The following UBAC1 variants were observed in gnomAD, a reference collection of about 807,000 sequenced individuals.
UBAC1 encodes ubiquitin-associated domain-containing protein 1.
A neutral mutation model predicts 45.9 loss-of-function variants in UBAC1; 27 were observed. The observed-to-expected ratio is 0.59, with a 90% CI of 0.43 to 0.81. UBAC1 has a LOEUF of 0.81. UBAC1 is among the 30% of genes least tolerant of loss of function. UBAC1 has a pLI of 0.00. For missense variants in UBAC1, 529 were observed against 539.2 expected (o/e 0.98, Z 0.19); for synonymous variants, 227 against 215.5 (o/e 1.05, Z -0.47).
At chr9:135,950,169 C>G (rs1218290602) in intron 3 of UBAC1, among the ~76,000 whole-genome samples, 1 of 152,246 alleles carries the variant, frequency 6.6e-6, no homozygotes, top group Non-Finnish European at 1.5e-5. Flanking sequence ...AGACCCTGAG[C>G]ACAGAAACCA....
chr9:135,945,187 C>G lies in UBAC1; in HGVS notation c.717G>C (p.Thr239=), dbSNP rs747291545. Reference sequence around the variant, plus strand: ...CTGGGGGAGCTTGGCCAGGAAGAGGCGTGTCTATGGTCGGGTCTTCTGCGT... The same window carrying G: ...CTGGGGGAGCTTGGCCAGGAAGAGGGGTGTCTATGGTCGGGTCTTCTGCGT... ...IEHAEDPTID[T]PLPGQAPPEA... The change falls in exon 7 of 10, where the codon ACG becomes ACC. Residue 239 remains threonine (T), a synonymous_variant. Coordinates refer to ENST00000371756, the MANE Select transcript of UBAC1 (RefSeq NM_016172.3). The G allele has an allele frequency of 6.2e-7, 1 of 1,612,776 alleles. No individual in the cohort carries two copies. Among genetic ancestry groups the G allele is most frequent in the Admixed American group, 1.7e-5 (1 of 59,852 alleles).
intron 6 of UBAC1, chr9:135,945,456 A>G: frequency 1.9e-6 from 1 of 538,068 alleles, no homozygotes; most frequent in Non-Finnish European, 3.2e-6. Context: ...GGGCAGAATC[A>G]GAAGCCCATG....
intron 9 of UBAC1, among the ~76,000 whole-genome samples, chr9:135,936,518 TGGAGTC>T: frequency 6.8e-6 from 1 of 146,208 alleles, no homozygotes. Context: ...TTTTTTGAGG[TGGAGTC>T]TTGCTCTGAC....
At position 135,947,848 on chromosome 9, in the gene UBAC1, G is replaced by A. The variant is rs749889958; in HGVS notation, c.391C>T (p.Leu131=). Residue 131 remains leucine (L), a synonymous_variant, in exon 4 of 10, where the codon CTG becomes TTG. Coordinates refer to ENST00000371756, the MANE Select transcript of UBAC1 (RefSeq NM_016172.3). ...GCCCGGTCCATGTTGTAGGAGGGCA[G>A]GTTGGCGGTGGCCCGCAGTATGGCC... is the stretch of plus-strand genomic sequence containing the variant. ...KEAILRATAN[L]PSYNMDRAAV... 1.2e-6 allele frequency: 2 copies of A among 1,614,084 alleles called. No individual in the cohort carries two copies. The highest frequency in any genetic ancestry group is 1.7e-6 in the Non-Finnish European group (2 of 1,180,040).
At chr9:135,945,811 A>T (rs1839324398) in intron 6 of UBAC1, 78 bp downstream of exon 6, 1 of 1,123,996 alleles carries the variant, frequency 8.9e-7, no homozygotes, top group African/African-American at 1.5e-5. Context: ...GGGTAGGAGG[A>T]CGTCACCCAC....
At chr9:135,939,250 T>C (rs959364788) in intron 8 of UBAC1, among the ~76,000 whole-genome samples, 3 of 150,980 alleles carry the variant, frequency 2.0e-5, no homozygotes, top group Non-Finnish European at 4.4e-5. Context: ...ATCCATAAAA[T>C]ATGTACATAT....
intron 8 of UBAC1, among the ~76,000 whole-genome samples, chr9:135,938,966 T>C (rs570355511): frequency 1.3e-5 from 2 of 152,216 alleles, no homozygotes; most frequent in Non-Finnish European, 2.9e-5. Context: ...CCCAGCACTT[T>C]GGAAGCCAAA....
chr9:135,960,185 A>G (rs890989223), intron 1 of UBAC1, among the ~76,000 whole-genome samples: 8 of 152,176 alleles, frequency 5.3e-5, no homozygotes, highest in Non-Finnish European at 1.0e-4. Context: ...CCCTCAGATC[A>G]TGTCAGGTAT....
chr9:135,948,675 A>C (rs1408248225), intron 3 of UBAC1, among the ~76,000 whole-genome samples: 1 of 152,200 alleles, frequency 6.6e-6, no homozygotes, highest in Non-Finnish European at 1.5e-5. Flanking sequence ...GTGGCAGGGG[A>C]GCGGGGCAGA....
At chr9:135,939,113 G>C (rs767572966) in intron 8 of UBAC1, among the ~76,000 whole-genome samples, 1 of 151,738 alleles carries the variant, frequency 6.6e-6, no homozygotes, top group African/African-American at 2.4e-5. Flanking sequence ...GAGGCAGGAG[G>C]ATCGCTTGGG....
chr9:135,947,935 G>C, intron 3 of UBAC1, 30 bp from the exon 4 acceptor site: 1 of 1,597,542 alleles, frequency 6.3e-7, no homozygotes, highest in East Asian at 2.2e-5. Flanking sequence ...GAAAGTCTGA[G>C]GTGAACGTAA....
At chr9:135,958,526 G>A (rs1311597820) in intron 1 of UBAC1, among the ~76,000 whole-genome samples, 2 of 152,154 alleles carry the variant, frequency 1.3e-5, no homozygotes, top group Admixed American at 6.6e-5. Flanking sequence ...TGATTCAGGA[G>A]TGCACACCCA....
intron 6 of UBAC1, chr9:135,945,486 A>C: frequency 1.9e-6 from 1 of 521,696 alleles, no homozygotes; most frequent in Non-Finnish European, 3.4e-6. Flanking sequence ...AGGCAAGCGG[A>C]CCCAGAGATA....
intron 3 of UBAC1, among the ~76,000 whole-genome samples, chr9:135,953,279 T>C (rs762649982): frequency 5.9e-5 from 9 of 152,178 alleles, no homozygotes; most frequent in Non-Finnish European, 1.3e-4. Context: ...ACAACTAGTA[T>C]AGAGAACTTC....
At chr9:135,935,369 G>A (rs1017251363) in intron 9 of UBAC1, among the ~76,000 whole-genome samples, 1 of 152,218 alleles carries the variant, frequency 6.6e-6, no homozygotes, top group Non-Finnish European at 1.5e-5. Flanking sequence ...ACATGTGCCA[G>A]GCACAATGGC....
At chr9:135,954,947 T>A (rs550701187) in intron 2 of UBAC1, among the ~76,000 whole-genome samples, 3 of 152,226 alleles carry the variant, frequency 2.0e-5, no homozygotes, top group Non-Finnish European at 4.4e-5. Context: ...TGGATGTGTG[T>A]GTCTAACACT....
intron 3 of UBAC1, among the ~76,000 whole-genome samples, chr9:135,952,166 G>T (rs1839413359): frequency 6.6e-6 from 1 of 152,254 alleles, no homozygotes; most frequent in African/African-American, 2.4e-5. Context: ...CTCATGCGTG[G>T]CCAGGTGTGG....
chr9:135,937,614 G>A (rs553949991), intron 9 of UBAC1, among the ~76,000 whole-genome samples: 2 of 152,238 alleles, frequency 1.3e-5, no homozygotes, highest in African/African-American at 4.8e-5. Context: ...AGCAGCAAAT[G>A]AGAGATTGTT....
chr9:135,941,296 C>G (rs1364361204), intron 7 of UBAC1, among the ~76,000 whole-genome samples: 1 of 152,170 alleles, frequency 6.6e-6, no homozygotes, highest in Non-Finnish European at 1.5e-5. Context: ...ATCCCAGCTA[C>G]TCGGGAGCCT....
Sources: gnomAD v4.1 joint callset for allele counts (sites outside exome capture counted in the v4.1 genomes callset) on GRCh38, gnomAD v4.1.1 for gene constraint, MANE v1.5 for transcripts, NCBI Gene and HGNC (gene_info 2026-07-23, HGNC 2026-07-21) for gene names.